Variants in NTNG1 observed in about 807,000 individuals in gnomAD.
The protein encoded by NTNG1 is netrin-G1.
In NTNG1, 16 loss-of-function variants were observed where a neutral mutation model predicts 54.0. That is an observed-to-expected ratio of 0.30 (90% CI 0.20 to 0.45). The LOEUF (loss-of-function observed/expected upper bound fraction) is 0.45. Among genes scored for constraint, NTNG1 ranks in the 20% least tolerant of loss-of-function variants. The pLI is 1.00. For synonymous variants in NTNG1, 255 were observed against 263.1 expected, an observed-to-expected ratio of 0.97 and a Z score of 0.30; for missense variants, 530 against 678.7, an observed-to-expected ratio of 0.78 and a Z score of 2.43.
intron 2 of NTNG1, among the ~76,000 whole-genome samples, chr1:107,289,042 T>G (rs1406664136): frequency 6.6e-6 from 1 of 152,162 alleles, no homozygotes; most frequent in Non-Finnish European, 1.5e-5. Flanking sequence ...TACATATTCC[T>G]CCTAACTCCT....
chr1:107,442,088 A>G (rs1570970358), intron 7 of NTNG1, among the ~76,000 whole-genome samples: 2 of 152,268 alleles, frequency 1.3e-5, no homozygotes, highest in Non-Finnish European at 2.9e-5. Flanking sequence ...GGGAATTCAA[A>G]TATCAGGAGT....
intron 2 of NTNG1, among the ~76,000 whole-genome samples, chr1:107,226,698 C>A (rs1364993077): frequency 6.6e-6 from 1 of 152,100 alleles, no homozygotes; most frequent in African/African-American, 2.4e-5. Flanking sequence ...TATTGTGTGA[C>A]CCCATCCCTA....
intron 6 of NTNG1, among the ~76,000 whole-genome samples, chr1:107,432,446 T>A (rs577779952): frequency 2.5e-4 from 38 of 152,336 alleles, no homozygotes; most frequent in African/African-American, 8.4e-4. Context: ...CTTGTCAGAC[T>A]TTTACTTATG....
At chr1:107,162,714 C>G (rs1655499141) in intron 2 of NTNG1, among the ~76,000 whole-genome samples, 1 of 152,160 alleles carries the variant, frequency 6.6e-6, no homozygotes, top group Admixed American at 6.5e-5. Context: ...AAGATATACT[C>G]TGACCTATAC....
intron 7 of NTNG1, 32 bp from the exon 8 acceptor site, chr1:107,480,579 C>CCCCCCCCCCCCCCCT: frequency 3.2e-6 from 2 of 615,714 alleles, no homozygotes; most frequent in Non-Finnish European, 6.0e-6. Context: ...TCCCCGCGCC[C>CCCCCCCCCCCCCCCT]ACCCACCCCT....
intron 2 of NTNG1, among the ~76,000 whole-genome samples, chr1:107,284,114 G>C (rs1297439421): frequency 6.6e-6 from 1 of 151,964 alleles, no homozygotes; most frequent in Non-Finnish European, 1.5e-5. Flanking sequence ...GCTCCTTGAG[G>C]GTAGGTGTTA....
At chr1:107,170,174 A>T (rs1228664703) in intron 2 of NTNG1, among the ~76,000 whole-genome samples, 1 of 152,212 alleles carries the variant, frequency 6.6e-6, no homozygotes, top group Non-Finnish European at 1.5e-5. Context: ...CAAAAAGACC[A>T]TCACCTCTAC....
intron 2 of NTNG1, among the ~76,000 whole-genome samples, chr1:107,299,838 T>C (rs1243472762): frequency 6.6e-6 from 1 of 151,758 alleles, no homozygotes; most frequent in Non-Finnish European, 1.5e-5. Flanking sequence ...AATCTAATCT[T>C]GTTCTATGTA....
intron 3 of NTNG1, among the ~76,000 whole-genome samples, chr1:107,383,389 G>C (rs1226928790): frequency 6.6e-6 from 1 of 152,106 alleles, no homozygotes; most frequent in Non-Finnish European, 1.5e-5. Flanking sequence ...ATCCAAGGAA[G>C]TATATAAGAA....
intron 3 of NTNG1, among the ~76,000 whole-genome samples, chr1:107,394,058 A>ATC (rs574776202): frequency 2.0e-5 from 3 of 149,524 alleles, no homozygotes; most frequent in Admixed American, 1.3e-4. Flanking sequence ...CACACTGTCA[A>ATC]TCTCTCTCTC....
intron 1 of NTNG1, among the ~76,000 whole-genome samples, chr1:107,143,597 T>C (rs1426092919): frequency 2.0e-5 from 3 of 152,128 alleles, no homozygotes; most frequent in Admixed American, 1.3e-4. Context: ...AATTATATTG[T>C]ATAGGAGATT....
chr1:107,141,859 C>T (rs78099837), intron 1 of NTNG1, among the ~76,000 whole-genome samples: 2,575 of 152,228 alleles, frequency 0.017, 78 homozygotes, highest in African/African-American at 0.058. Flanking sequence ...TTCTTTCTTT[C>T]GCCAATTATA....
rs1325260209 is a variant in NTNG1, at chr1:107,251,000, CTT to C, written c.247-73281_247-73280del. 7.2e-5 allele frequency among the ~76,000 whole-genome samples: 11 copies of C among 152,150 alleles called. No homozygotes were observed. The South Asian group carries it at 2.1e-3, about 29-fold the overall frequency. On this transcript the variant is annotated intron_variant, in intron 2 of 7. Transcript: ENST00000370068. ...GTTATTCTTACCTTATTCTTTATATCTTGTTATTGTCTTCAATCATGCAAAAT... is the reference window on the plus strand; with the variant it reads ...GTTATTCTTACCTTATTCTTTATATCGTTATTGTCTTCAATCATGCAAAAT...
intron 7 of NTNG1, among the ~76,000 whole-genome samples, chr1:107,449,361 A>G (rs903969232): frequency 6.6e-6 from 1 of 151,988 alleles, no homozygotes; most frequent in Non-Finnish European, 1.5e-5. Context: ...AGGCATCTGT[A>G]TTTTACAAAA....
At chr1:107,262,445 A>G (rs1196034445) in intron 2 of NTNG1, among the ~76,000 whole-genome samples, 3 of 152,228 alleles carry the variant, frequency 2.0e-5, no homozygotes, top group Admixed American at 6.5e-5. Flanking sequence ...ACAGAATATA[A>G]AAGTAGGTTG....
chr1:107,243,563 G>A (rs1661983044), intron 2 of NTNG1, among the ~76,000 whole-genome samples: 1 of 152,096 alleles, frequency 6.6e-6, no homozygotes, highest in East Asian at 1.9e-4. Flanking sequence ...TTGTTTTTGT[G>A]TTTCGTTTTT....
At chr1:107,376,565 T>C (rs1433305279) in intron 3 of NTNG1, among the ~76,000 whole-genome samples, 1 of 152,168 alleles carries the variant, frequency 6.6e-6, no homozygotes, top group African/African-American at 2.4e-5. Flanking sequence ...GAGCCTGAGA[T>C]CCTACCCACT....
intron 6 of NTNG1, among the ~76,000 whole-genome samples, chr1:107,432,021 A>G (rs112809033): frequency 6.6e-6 from 1 of 152,310 alleles, no homozygotes; most frequent in African/African-American, 2.4e-5. Flanking sequence ...TGGGCCAAGT[A>G]TATATAATAC....
intron 2 of NTNG1, among the ~76,000 whole-genome samples, chr1:107,262,850 T>C (rs1459682527): frequency 6.6e-6 from 1 of 152,204 alleles, no homozygotes; most frequent in Non-Finnish European, 1.5e-5. Flanking sequence ...CTGTTGGTAG[T>C]GGACAGAGAT....
Sources: gnomAD v4.1 joint callset for allele counts (sites outside exome capture counted in the v4.1 genomes callset) on GRCh38, gnomAD v4.1.1 for gene constraint, MANE v1.5 for transcripts, NCBI Gene and HGNC (gene_info 2026-07-23, HGNC 2026-07-21) for gene names.